Variants in MAPK10 observed in about 807,000 individuals in gnomAD.
MAPK10 encodes the protein mitogen-activated protein kinase 10.
Under a neutral mutation model 59.3 loss-of-function variants are expected in MAPK10, and 25 were observed. That is an observed-to-expected ratio of 0.42 (90% CI 0.31 to 0.59). The LOEUF is 0.59. MAPK10 is among the 20% of genes least tolerant of loss of function. The pLI is 0.15. For synonymous variants in MAPK10, 190 were observed against 200.5 expected, an observed-to-expected ratio of 0.95 and a Z score of 0.44; for missense variants, 351 against 568.9, an observed-to-expected ratio of 0.62 and a Z score of 3.90.
chr4:86,230,105 T>C (rs979481290), intron 2 of MAPK10, among the ~76,000 whole-genome samples: 2 of 152,182 alleles, frequency 1.3e-5, no homozygotes, highest in Non-Finnish European at 2.9e-5. Flanking sequence ...CACTTTTGAG[T>C]TGTCAGATCT....
At chr4:86,501,019 A>G (rs1212665049) in intron 1 of MAPK10, among the ~76,000 whole-genome samples, 1 of 150,860 alleles carries the variant, frequency 6.6e-6, no homozygotes, top group Non-Finnish European at 1.5e-5. Context: ...GGGTAATGGT[A>G]AAAACATGAT....
chr4:86,548,119 C>T (rs1398865872), intron 1 of MAPK10, among the ~76,000 whole-genome samples: 1 of 152,180 alleles, frequency 6.6e-6, no homozygotes, highest in Non-Finnish European at 1.5e-5. Flanking sequence ...TGGGTCCACA[C>T]TGCTTTTATG....
chr4:86,394,790 A>C (rs1742692165), intron 1 of MAPK10, among the ~76,000 whole-genome samples: 1 of 152,198 alleles, frequency 6.6e-6, no homozygotes, highest in Admixed American at 6.5e-5. Context: ...AGTTTTCCAA[A>C]CGTTAGCAAA....
chr4:86,064,383 T>C lies in MAPK10; in HGVS notation c.993A>G (p.Gln331=). The change falls in exon 11 of 14, where the codon CAA becomes CAG. Residue 331 remains glutamine, a synonymous_variant. Transcript: ENST00000641462. ...DSEHNKLKAS[Q]ARDLLSKMLV... ...GCATCTTTGACAACAAGTCCCTGGC[T>C]TGGCTGGCTGAAACAATAAATGAGA... is the stretch of plus-strand genomic sequence containing the variant. 1 of 1,613,998 alleles carries C rather than the reference T, an allele frequency of 6.2e-7. No individual in the cohort carries two copies. Among genetic ancestry groups the C allele is most frequent in the Non-Finnish European group, 8.5e-7 (1 of 1,179,962 alleles).
chr4:86,238,513 T>C (rs1463277796), intron 2 of MAPK10, among the ~76,000 whole-genome samples: 1 of 152,210 alleles, frequency 6.6e-6, no homozygotes. Flanking sequence ...GTTTCCTCTC[T>C]TATTTCCTTG....
At chr4:86,412,505 G>C (rs1745317608) in intron 1 of MAPK10, among the ~76,000 whole-genome samples, 1 of 152,122 alleles carries the variant, frequency 6.6e-6, no homozygotes, top group African/African-American at 2.4e-5. Context: ...TTTCTAACTT[G>C]GTTCCATTCT....
intron 2 of MAPK10, among the ~76,000 whole-genome samples, chr4:86,223,201 C>T (rs767637364): frequency 1.3e-5 from 2 of 152,130 alleles, no homozygotes; most frequent in African/African-American, 4.8e-5. Flanking sequence ...CATATCAGCT[C>T]CCCTTTAATG....
chr4:86,548,583 C>G (rs1009790447), intron 1 of MAPK10, among the ~76,000 whole-genome samples: 2 of 152,186 alleles, frequency 1.3e-5, no homozygotes, highest in Non-Finnish European at 2.9e-5. Context: ...CACCATCCTC[C>G]TAGTGATAGG....
chr4:86,573,227 T>G (rs1761603368), intron 1 of MAPK10, among the ~76,000 whole-genome samples: 1 of 152,204 alleles, frequency 6.6e-6, no homozygotes, highest in Non-Finnish European at 1.5e-5. Flanking sequence ...CACAAAGAAT[T>G]TCCCCTAGCA....
At chr4:86,254,728 C>T (rs2093625860) in intron 2 of MAPK10, among the ~76,000 whole-genome samples, 1 of 147,468 alleles carries the variant, frequency 6.8e-6, no homozygotes, top group Non-Finnish European at 1.5e-5. Flanking sequence ...CCTGGGTATC[C>T]TTGTTGACTT....
intron 3 of MAPK10, among the ~76,000 whole-genome samples, chr4:86,186,251 G>A (rs1373382090): frequency 2.0e-5 from 3 of 152,014 alleles, no homozygotes; most frequent in Non-Finnish European, 4.4e-5. Flanking sequence ...ACAAGTAAAT[G>A]GCTAATAAGG....
At chr4:86,178,669 GA>G (rs1342007105) in intron 3 of MAPK10, among the ~76,000 whole-genome samples, 1 of 152,082 alleles carries the variant, frequency 6.6e-6, no homozygotes, top group African/African-American at 2.4e-5. Context: ...CATAGTACTG[GA>G]AGAACTGGTC....
chr4:86,554,210 G>C lies in MAPK10; in HGVS notation c.-263+39700C>G, dbSNP rs148596294. Among the ~76,000 whole-genome samples, 511 of 152,244 alleles carry C rather than the reference G, an allele frequency of 3.4e-3. 1 individual carries two copies. Among genetic ancestry groups the C allele is most frequent in the African/African-American group, 0.012 (494 of 41,546 alleles). ...TAAATAAGGGACACTCTTAAATGCT[G>C]ATTCTTCCAGGGTTTCATCCTTGGT... is the stretch of plus-strand genomic sequence containing the variant. On this transcript the variant is annotated intron_variant, in intron 1 of 4. Transcript: ENST00000502302.
At chr4:86,051,953 C>A (rs936804738) in intron 11 of MAPK10, among the ~76,000 whole-genome samples, 1 of 151,844 alleles carries the variant, frequency 6.6e-6, no homozygotes, top group Admixed American at 6.6e-5. Flanking sequence ...GTATGAGGAA[C>A]CCCTGAAAGC....
chr4:86,069,284 A>G (rs540225246), intron 9 of MAPK10, among the ~76,000 whole-genome samples: 37 of 152,282 alleles, frequency 2.4e-4, no homozygotes, highest in African/African-American at 8.7e-4. Flanking sequence ...CTGGCTGAAT[A>G]AAACTTAAAT....
chr4:86,526,073 C>T (rs147875700), intron 1 of MAPK10, among the ~76,000 whole-genome samples: 198 of 152,240 alleles, frequency 1.3e-3, no homozygotes, highest in African/African-American at 4.7e-3. Context: ...CAGGGTGATG[C>T]TGGCTTCACA....
intron 13 of MAPK10, among the ~76,000 whole-genome samples, chr4:86,019,775 A>G (rs1234920866): frequency 6.6e-6 from 1 of 152,226 alleles, no homozygotes; most frequent in African/African-American, 2.4e-5. Context: ...TAAAGGCCTG[A>G]TCAATTGTGA....
At chr4:86,052,492 TG>T (rs2043759309) in intron 11 of MAPK10, among the ~76,000 whole-genome samples, 1 of 152,092 alleles carries the variant, frequency 6.6e-6, no homozygotes, top group South Asian at 2.1e-4. Flanking sequence ...AATTTTGGGA[TG>T]TTTTTCAAAA....
chr4:86,188,843 C>T (rs781040624), intron 3 of MAPK10, among the ~76,000 whole-genome samples: 1 of 152,062 alleles, frequency 6.6e-6, no homozygotes, highest in Non-Finnish European at 1.5e-5. Flanking sequence ...AATGATATTA[C>T]CTAGGTTTTC....
Sources: allele counts gnomAD v4.1 joint callset (sites outside exome capture counted in the v4.1 genomes callset), GRCh38; gene constraint gnomAD v4.1.1; transcripts MANE v1.5; gene names NCBI Gene and HGNC (gene_info 2026-07-23, HGNC 2026-07-21).